Variants in KIF16B observed in about 807,000 individuals in gnomAD.
KIF16B encodes kinesin family member 16B, also known as kinesin-like protein KIF16B.
A neutral mutation model predicts 156.3 loss-of-function variants in KIF16B; 98 were observed. The observed-to-expected ratio is 0.63, with a 90% CI of 0.53 to 0.74. The LOEUF is 0.74. Among genes scored for constraint, KIF16B ranks in the 30% least tolerant of loss-of-function variants. The pLI is 0.00. For missense variants in KIF16B, 1,421 were observed against 1,606.5 expected, an observed-to-expected ratio of 0.88 and a Z score of 1.97; for synonymous variants, 564 against 583.7, an observed-to-expected ratio of 0.97 and a Z score of 0.49.
chr20:16,509,063 C>A (rs1202741205), intron 6 of KIF16B, among the ~76,000 whole-genome samples: 1 of 152,130 alleles, frequency 6.6e-6, no homozygotes, highest in Non-Finnish European at 1.5e-5. Flanking sequence ...ATATAATTAT[C>A]TTTTTCCCCT....
chr20:16,528,618 G>A (rs1485791531), intron 1 of KIF16B, among the ~76,000 whole-genome samples, 178 bp from the exon 2 acceptor site: 1 of 152,066 alleles, frequency 6.6e-6, no homozygotes, highest in Non-Finnish European at 1.5e-5. Context: ...ATGAAGATAC[G>A]CAAAATGATG....
At chr20:16,335,836 C>CAG (rs1315523359) in intron 24 of KIF16B, 90 bp downstream of exon 24, 3 of 761,144 alleles carry the variant, frequency 3.9e-6, no homozygotes, top group East Asian at 2.6e-5. Flanking sequence ...AAGAGAGAGA[C>CAG]AGAGAGAGAG....
intron 22 of KIF16B, chr20:16,367,585 A>G (rs1449642766): frequency 6.2e-6 from 10 of 1,612,866 alleles, no homozygotes; most frequent in Non-Finnish European, 8.5e-6. Flanking sequence ...GTAGAGCAGT[A>G]ACTGAACTTC....
At chr20:16,410,845 G>T (rs1055584209) in intron 15 of KIF16B, among the ~76,000 whole-genome samples, 1 of 152,048 alleles carries the variant, frequency 6.6e-6, no homozygotes, top group Non-Finnish European at 1.5e-5. Flanking sequence ...TTACATTTAC[G>T]CATGCCTGCT....
At chr20:16,332,630 C>T (rs1177783567) in intron 24 of KIF16B, among the ~76,000 whole-genome samples, 1 of 152,130 alleles carries the variant, frequency 6.6e-6, no homozygotes, top group East Asian at 1.9e-4. Context: ...ACATTGAGAT[C>T]CTGAGCCTGT....
chr20:16,501,638 T>C (rs1321548819), intron 10 of KIF16B, among the ~76,000 whole-genome samples: 1 of 152,156 alleles, frequency 6.6e-6, no homozygotes, highest in Non-Finnish European at 1.5e-5. Context: ...GGAATATCTT[T>C]GCATGATGGA....
At chr20:16,323,693 T>G (rs1248931988) in intron 24 of KIF16B, among the ~76,000 whole-genome samples, 1 of 151,540 alleles carries the variant, frequency 6.6e-6, no homozygotes, top group Non-Finnish European at 1.5e-5. Context: ...TAGACCAGAG[T>G]CTGCAACATA....
chr20:16,479,217 G>A (rs1270823971), intron 12 of KIF16B, among the ~76,000 whole-genome samples: 4 of 152,146 alleles, frequency 2.6e-5, no homozygotes, highest in African/African-American at 9.7e-5. Flanking sequence ...GACATGGATG[G>A]AGCTGGAAGC....
intron 1 of KIF16B, among the ~76,000 whole-genome samples, chr20:16,551,284 C>T (rs2070652272): frequency 6.6e-6 from 1 of 152,288 alleles, no homozygotes; most frequent in South Asian, 2.1e-4. Context: ...GCACTCGCCA[C>T]CATGCCCGGC....
intron 20 of KIF16B, among the ~76,000 whole-genome samples, chr20:16,374,048 C>A (rs2064884693): frequency 6.6e-6 from 1 of 152,216 alleles, no homozygotes; most frequent in Non-Finnish European, 1.5e-5. Flanking sequence ...ATCTGGCTAG[C>A]CAGGTCTCAA....
intron 12 of KIF16B, among the ~76,000 whole-genome samples, chr20:16,463,041 A>G (rs2067390659): frequency 6.6e-6 from 1 of 152,216 alleles, no homozygotes; most frequent in African/African-American, 2.4e-5. Flanking sequence ...TGCACTATGC[A>G]AATGGCACAC....
intron 11 of KIF16B, among the ~76,000 whole-genome samples, chr20:16,495,297 C>G (rs2068417974): frequency 6.6e-6 from 1 of 152,076 alleles, no homozygotes; most frequent in South Asian, 2.1e-4. Context: ...TTAATCAGGC[C>G]AAAATAAATG....
At chr20:16,434,642 G>A (rs1049218850) in intron 12 of KIF16B, among the ~76,000 whole-genome samples, 9 of 152,306 alleles carry the variant, frequency 5.9e-5, no homozygotes, top group African/African-American at 1.7e-4. Flanking sequence ...CACAGAGTAT[G>A]TTAGGTGAAT....
intron 23 of KIF16B, among the ~76,000 whole-genome samples, chr20:16,352,960 G>C (rs1042536570): frequency 4.6e-5 from 7 of 152,228 alleles, no homozygotes; most frequent in African/African-American, 9.6e-5. Context: ...GCTGGTCACA[G>C]AGGGCACAGC....
At chr20:16,572,672 C>G (rs573317888) in intron 1 of KIF16B, among the ~76,000 whole-genome samples, 1 of 152,298 alleles carries the variant, frequency 6.6e-6, no homozygotes, top group East Asian at 1.9e-4. Flanking sequence ...ATTTCAAACA[C>G]GTGTAAAGCG....
intron 15 of KIF16B, among the ~76,000 whole-genome samples, chr20:16,410,619 G>A (rs1275975355): frequency 2.6e-5 from 4 of 151,932 alleles, no homozygotes; most frequent in Admixed American, 2.6e-4. Context: ...AGTGTACAGG[G>A]AACAATCAGA....
In KIF16B at chr20:16,504,484, G is replaced by A; in HGVS notation, c.1064C>T (p.Ala355Val). 6.2e-7 allele frequency: 1 copy of A among 1,614,004 alleles called. No individual in the cohort carries two copies. The highest frequency in any genetic ancestry group is 8.5e-7 in the Non-Finnish European group (1 of 1,179,932). Residue 355 changes from alanine to valine, a missense_variant, in exon 10 of 26, where the codon GCC (alanine) becomes GTC (valine). Transcript: ENST00000354981. ...GGTAGGCTTGTTGATGATGTTTTTGGCTCTATTTGCATAGCGAAGAGTACT... is the reference window on the plus strand; with the variant it reads ...GGTAGGCTTGTTGATGATGTTTTTGACTCTATTTGCATAGCGAAGAGTACT... ...TLSTLRYANRAKNIINKPTIN... is the reference protein window; with the variant it reads ...TLSTLRYANRVKNIINKPTIN...
intron 1 of KIF16B, among the ~76,000 whole-genome samples, chr20:16,558,168 G>T (rs1173872550): frequency 6.6e-6 from 1 of 152,264 alleles, no homozygotes; most frequent in African/African-American, 2.4e-5. Context: ...ACCTCCAGCA[G>T]ACGAGTGGCA....
At chr20:16,429,202 A>C in intron 13 of KIF16B, among the ~76,000 whole-genome samples, 198 bp from the exon 14 acceptor site, 1 of 152,180 alleles carries the variant, frequency 6.6e-6, no homozygotes, top group East Asian at 1.9e-4. Context: ...AATGTACAGC[A>C]ATGGTGAGGC....
Sources: allele counts gnomAD v4.1 joint callset (sites outside exome capture counted in the v4.1 genomes callset), GRCh38; gene constraint gnomAD v4.1.1; transcripts MANE v1.5; gene names NCBI Gene and HGNC (gene_info 2026-07-23, HGNC 2026-07-21).